The following CSMD1 variants were observed in gnomAD, a reference collection of about 807,000 sequenced individuals.
The protein encoded by CSMD1 is CUB and sushi domain-containing protein 1.
CSMD1 carries 213 observed loss-of-function variants against 417.5 expected under a neutral mutation model. That is an observed-to-expected ratio of 0.51 (90% CI 0.46 to 0.57). The LOEUF (loss-of-function observed/expected upper bound fraction) is 0.57. CSMD1 is among the 20% of genes least tolerant of loss of function. The pLI is 0.00. For synonymous variants in CSMD1, 2,862 were observed against 1,736.8 expected, an observed-to-expected ratio of 1.65 and a Z score of -16.11; for missense variants, 6,923 against 4,529.7, an observed-to-expected ratio of 1.53 and a Z score of -15.17.
intron 5 of CSMD1, among the ~76,000 whole-genome samples, chr8:3,987,534 T>G (rs1160857392): frequency 6.6e-6 from 1 of 152,170 alleles, no homozygotes; most frequent in Non-Finnish European, 1.5e-5. Context: ...GGAGTCTGAC[T>G]CTAGCCCAAA....
chr8:4,572,377 G>A (rs1798931993), intron 2 of CSMD1, among the ~76,000 whole-genome samples: 1 of 152,130 alleles, frequency 6.6e-6, no homozygotes, highest in South Asian at 2.1e-4. Flanking sequence ...CGCTTATGAA[G>A]CTTAGTTTGG....
chr8:4,667,828 A>G (rs562528979), intron 1 of CSMD1, among the ~76,000 whole-genome samples: 58 of 152,238 alleles, frequency 3.8e-4, no homozygotes, highest in African/African-American at 1.3e-3. Context: ...TTATCCTTCC[A>G]ATTTGTAAAC....
chr8:4,083,267 C>T (rs1195230047), intron 3 of CSMD1, among the ~76,000 whole-genome samples: 1 of 152,156 alleles, frequency 6.6e-6, no homozygotes, highest in Non-Finnish European at 1.5e-5. Flanking sequence ...CACAACCTCT[C>T]CAGCACCTGT....
chr8:3,726,150 G>A (rs532408757), intron 6 of CSMD1, among the ~76,000 whole-genome samples: 18 of 151,982 alleles, frequency 1.2e-4, no homozygotes, highest in African/African-American at 3.6e-4. Flanking sequence ...TGCAGGCACC[G>A]AGGCGTCCTG....
At chr8:3,085,744 C>T (rs1814484644) in intron 49 of CSMD1, among the ~76,000 whole-genome samples, 1 of 152,200 alleles carries the variant, frequency 6.6e-6, no homozygotes, top group Admixed American at 6.5e-5. Context: ...CCTTCTCAAC[C>T]ATTCACTGAA....
intron 3 of CSMD1, among the ~76,000 whole-genome samples, chr8:4,187,684 A>AAAAC (rs1341060879): frequency 1.3e-5 from 2 of 151,518 alleles, no homozygotes; most frequent in African/African-American, 4.8e-5. Context: ...CTCAAAAAAA[A>AAAAC]AAAAAAAAAA....
At chr8:3,441,744 C>T (rs1563393234) in intron 12 of CSMD1, among the ~76,000 whole-genome samples, 2 of 152,030 alleles carry the variant, frequency 1.3e-5, no homozygotes, top group Non-Finnish European at 2.9e-5. Flanking sequence ...CTGTACACAG[C>T]AGGTAACACT....
intron 52 of CSMD1, 69 bp downstream of exon 52, chr8:3,018,408 T>C (rs1809047428): frequency 6.9e-7 from 1 of 1,450,336 alleles, no homozygotes; most frequent in Admixed American, 1.8e-5. Context: ...GTCATATGTG[T>C]TACACAGCTG....
At chr8:4,692,614 A>T (rs1212955667) in intron 1 of CSMD1, among the ~76,000 whole-genome samples, 2 of 152,186 alleles carry the variant, frequency 1.3e-5, no homozygotes, top group Non-Finnish European at 2.9e-5. Context: ...AGGCAAAGCC[A>T]TGTGGGGTCC....
intron 7 of CSMD1, among the ~76,000 whole-genome samples, chr8:3,635,623 A>G (rs960407644): frequency 6.6e-6 from 1 of 151,292 alleles, no homozygotes; most frequent in Non-Finnish European, 1.5e-5. Flanking sequence ...AGCTGGGACT[A>G]CAGGCGCCAG....
intron 2 of CSMD1, among the ~76,000 whole-genome samples, chr8:4,614,376 A>C (rs1453751104): frequency 6.6e-6 from 1 of 152,198 alleles, no homozygotes; most frequent in Non-Finnish European, 1.5e-5. Flanking sequence ...AGTGATGATG[A>C]GGTTGACAGA....
intron 2 of CSMD1, among the ~76,000 whole-genome samples, chr8:4,467,603 T>G (rs1161630172): frequency 6.6e-6 from 1 of 152,212 alleles, no homozygotes; most frequent in East Asian, 1.9e-4. Context: ...CAAGAGTCAG[T>G]GCATTATAAC....
intron 10 of CSMD1, among the ~76,000 whole-genome samples, chr8:3,556,234 T>G (rs1799134420): frequency 6.6e-6 from 1 of 151,484 alleles, no homozygotes. Context: ...TTAGGAGGGA[T>G]CCTTTCCATG....
In CSMD1 at chr8:4,702,503, G is replaced by C. The variant is rs191741536; in HGVS notation, c.86-64945C>G. ...AATGTTGCTGCTGTTTTTAATAACA[G>C]GGAAAATAAAAATATTTACCAGCTT... is the stretch of plus-strand genomic sequence containing the variant. On this transcript the variant is annotated intron_variant, in intron 1 of 69. Transcript: ENST00000635120. Among the ~76,000 whole-genome samples the C allele has an allele frequency of 3.3e-5, 5 of 152,086 alleles. No homozygotes were observed. In the East Asian group the frequency reaches 9.7e-4, roughly 29 times the overall value.
At chr8:3,822,007 C>G (rs777199736) in intron 5 of CSMD1, among the ~76,000 whole-genome samples, 1 of 152,176 alleles carries the variant, frequency 6.6e-6, no homozygotes, top group Non-Finnish European at 1.5e-5. Flanking sequence ...AATACAACTT[C>G]TGCATCACAG....
chr8:4,295,524 T>C (rs1203525143), intron 3 of CSMD1, among the ~76,000 whole-genome samples: 4 of 144,614 alleles, frequency 2.8e-5, no homozygotes, highest in African/African-American at 1.0e-4. Flanking sequence ...ATCTTATATA[T>C]ATTACATATA....
chr8:3,214,393 C>G (rs758559997), intron 30 of CSMD1, 104 bp downstream of exon 30: 1 of 984,430 alleles, frequency 1.0e-6, no homozygotes, highest in Non-Finnish European at 1.5e-6. Context: ...ATCCTCACCA[C>G]CGATGAGAGG....
chr8:4,208,349 C>T (rs1319164377), intron 3 of CSMD1, among the ~76,000 whole-genome samples: 1 of 152,090 alleles, frequency 6.6e-6, no homozygotes, highest in Non-Finnish European at 1.5e-5. Flanking sequence ...TGAATCCTTC[C>T]TGGAGTAAGA....
At chr8:3,909,292 G>C (rs1042230735) in intron 5 of CSMD1, among the ~76,000 whole-genome samples, 1 of 152,172 alleles carries the variant, frequency 6.6e-6, no homozygotes, top group Admixed American at 6.5e-5. Context: ...CCTCATTGAA[G>C]TCTGTAACTT....
Sources: gnomAD v4.1 joint callset for allele counts (sites outside exome capture counted in the v4.1 genomes callset) on GRCh38, gnomAD v4.1.1 for gene constraint, MANE v1.5 for transcripts, NCBI Gene and HGNC (gene_info 2026-07-23, HGNC 2026-07-21) for gene names.